ERN1: variants seen among roughly 807,000 people sequenced by gnomAD.
ERN1 encodes serine/threonine-protein kinase/endoribonuclease IRE1.
A neutral mutation model predicts 113.1 loss-of-function variants in ERN1; 39 were observed. The observed-to-expected ratio is 0.34, with a 90% CI of 0.27 to 0.45. The LOEUF (loss-of-function observed/expected upper bound fraction) is 0.45. Among genes scored for constraint, ERN1 ranks in the 20% least tolerant of loss-of-function variants. The probability of loss-of-function intolerance (pLI) is 1.00; values close to 1 mark genes in which losing one functional copy is unlikely to be tolerated. For missense variants in ERN1, 976 were observed against 1,274.8 expected (o/e 0.77, Z 3.57); for synonymous variants, 507 against 515.9 (o/e 0.98, Z 0.23).
chr17:64,100,052 G>C (rs995715181), intron 1 of ERN1, among the ~76,000 whole-genome samples: 2 of 152,226 alleles, frequency 1.3e-5, no homozygotes, highest in African/African-American at 4.8e-5. Context: ...TAAGCCTCAA[G>C]GGTGGTATCT....
At chr17:64,106,622 T>C (rs1409478534) in intron 1 of ERN1, among the ~76,000 whole-genome samples, 1 of 151,904 alleles carries the variant, frequency 6.6e-6, no homozygotes, top group East Asian at 1.9e-4. Flanking sequence ...TATAACCGGC[T>C]GAAAGCCACA....
At chr17:64,119,376 G>GTTGTTTTTTTTTTT (rs777806993) in intron 1 of ERN1, among the ~76,000 whole-genome samples, 16 of 77,908 alleles carry the variant, frequency 2.1e-4, no homozygotes, top group African/African-American at 7.8e-4. Context: ...TTTTTTCTAG[G>GTTGTTTTTTTTTTT]TTTTTTTTTT....
At position 64,123,034 on chromosome 17, in the gene ERN1, T is replaced by C. The variant is rs886596460; in HGVS notation, c.54+6942A>G. On this transcript the variant is annotated intron_variant, in intron 1 of 21. Transcript: ENST00000433197. ...TATTTTTAATTTTTTGTTCCCTTTT[T>C]TTTTCCAGGTAGATAATCCCAGCAA... 1.1e-4 allele frequency among the ~76,000 whole-genome samples: 16 copies of C among 152,194 alleles called. No homozygotes were observed. In the East Asian group the frequency reaches 2.9e-3, roughly 27 times the overall value.
chr17:64,124,422 C>T (rs959040029), intron 1 of ERN1, among the ~76,000 whole-genome samples: 3 of 152,220 alleles, frequency 2.0e-5, no homozygotes, highest in African/African-American at 7.2e-5. Flanking sequence ...GTAGCTCCCA[C>T]TATTCCCATG....
intron 1 of ERN1, among the ~76,000 whole-genome samples, chr17:64,106,715 TACACACACACACACACACACAC>T (rs58544303): frequency 2.9e-5 from 3 of 103,436 alleles, no homozygotes; most frequent in South Asian, 8.0e-4. Context: ...CAGGGTTTCT[TACACACACACACACACACACAC>T]ACACACACAC....
intron 1 of ERN1, among the ~76,000 whole-genome samples, chr17:64,120,283 A>G (rs1052668470): frequency 2.6e-5 from 4 of 152,106 alleles, no homozygotes; most frequent in Non-Finnish European, 5.9e-5. Flanking sequence ...GTCATGGGCC[A>G]TTTGCTTTAA....
intron 17 of ERN1, among the ~76,000 whole-genome samples, chr17:64,050,562 G>A (rs937120527): frequency 1.3e-5 from 2 of 152,148 alleles, no homozygotes; most frequent in Non-Finnish European, 1.5e-5. Context: ...AACCGTAAGG[G>A]ACTGGGTCAT....
intron 1 of ERN1, among the ~76,000 whole-genome samples, chr17:64,118,243 A>G (rs1381703356): frequency 6.6e-6 from 1 of 152,172 alleles, no homozygotes; most frequent in Non-Finnish European, 1.5e-5. Flanking sequence ...GAAATAACTC[A>G]TTTGCCCAAA....
Position 64,054,826 on chromosome 17 carries a change from C to T in ERN1, c.1675G>A (p.Glu559Lys). The T allele has an allele frequency of 6.2e-7, 1 of 1,603,674 alleles. No homozygotes were observed. The highest frequency in any genetic ancestry group is 8.5e-7 in the Non-Finnish European group (1 of 1,174,330). The stretch of plus-strand genomic sequence containing the variant: ...CCAACTATCACCACGCTGGTTTCCT[C>T]ATCTGGGACAAAATAGGAAAAAGAG... ...SPSLEQDDGD[E>K]ETSVVIVGKI... is the part of the protein sequence containing the mutation. Residue 559 changes from glutamate (E) to lysine (K), a missense_variant and splice_region_variant, in exon 14 of 22, where the codon GAG becomes AAG. Physicochemically the swap from Glu to Lys is moderately conservative, Grantham distance 56. Transcript: ENST00000433197. This position sits in a 1 kb window ranked among gnomAD's most constrained non-coding sequence, Gnocchi z 4.9.
chr17:64,063,973 G>A lies in ERN1; in HGVS notation c.1087+13C>T. 1.2e-6 allele frequency: 2 copies of A among 1,613,072 alleles called. No individual in the cohort carries two copies. The highest frequency in any genetic ancestry group is 2.2e-5 in the South Asian group (2 of 90,968). ...GCTGTCACCTCAGGCTACTGTGGGA[G>A]ACCTGCTCTTACCTATCAGAAGCCA... is the stretch of plus-strand genomic sequence containing the variant. On this transcript the variant is annotated intron_variant, in intron 10 of 21. Transcript: ENST00000433197. This position sits in a 1 kb window ranked among gnomAD's most constrained non-coding sequence, Gnocchi z 5.1.
At position 64,042,753 on chromosome 17, in the gene ERN1, TA is replaced by T. The variant is rs137898273; in HGVS notation, c.*1234del. 1.8e-3 allele frequency: 271 copies of T among 152,356 alleles called. 2 individuals are homozygous for T. Among genetic ancestry groups the T allele is most frequent in the African/African-American group, 6.3e-3 (261 of 41,568 alleles). 9.4% of individuals were successfully genotyped at this position (152,356 alleles called of 1,614,324 possible). A position where few individuals can be genotyped will look rare whatever the true frequency, so the allele number is the denominator to read the frequency against. On this transcript the variant is annotated 3_prime_UTR_variant, in exon 22 of 22. Transcript: ENST00000433197. ...GTTCAATACATTTACATAGTGTTGC[TA>T]TAATGTTTTACTCTTCAGCATTAGA...
At chr17:64,070,121 A>G (rs1332804699) in intron 6 of ERN1, among the ~76,000 whole-genome samples, 1 of 152,058 alleles carries the variant, frequency 6.6e-6, no homozygotes, top group Non-Finnish European at 1.5e-5. Flanking sequence ...GCACTGTAAC[A>G]CCCATTTTTA....
At chr17:64,057,383 TCTTGCTCTGTCGC>T (rs71155997) in intron 12 of ERN1, among the ~76,000 whole-genome samples, 145,244 of 151,346 alleles carry the variant, frequency 0.96, 69,995 homozygotes, top group East Asian at 1. Context: ...TGAGATGGAG[TCTTGCTCTGTCGC>T]CTTGCTCTGT....
rs757126086 is a variant in ERN1, at chr17:64,045,388, C to T, written c.2624G>A (p.Arg875Gln). The T allele has an allele frequency of 1.1e-5, 17 of 1,613,850 alleles. No homozygotes were observed. The highest frequency in any genetic ancestry group is 3.3e-5 in the Admixed American group (2 of 60,014). The stretch of plus-strand genomic sequence containing the variant: ...CTGGAGGGGGACAGTGATGTTCTCC[C>T]GCCAGTCCATCTTCACCACGGCTCT... ...GGRAVVKMDW[R>Q]ENITVPLQTD... is the part of the protein sequence containing the mutation. The change falls in exon 20 of 22, where the codon CGG (arginine) becomes CAG (glutamine). Residue 875 changes from arginine to glutamine, a missense_variant. Around this residue, in one of 5 missense-constraint regions of ERN1, gnomAD observed 297 missense variants for 457.8 expected, o/e 0.65. Coordinates refer to ENST00000433197, the MANE Select transcript of ERN1 (RefSeq NM_001433.5).
rs1411853039 is a variant in ERN1, at chr17:64,098,307, A to AT, written c.55-67_55-66insA. Reference sequence around the variant, plus strand: ...CTTCACCTTGGGCATGTACAATCACAGACCCCCCACTCCCAAGGTTATCCT... The same window carrying AT: ...CTTCACCTTGGGCATGTACAATCACATGACCCCCCACTCCCAAGGTTATCCT... On this transcript the variant is annotated intron_variant, in intron 1 of 21. Coordinates refer to ENST00000433197, the MANE Select transcript of ERN1 (RefSeq NM_001433.5). The AT allele has an allele frequency of 3.8e-6, 6 of 1,584,050 alleles. No homozygotes were observed. In the Admixed American group the frequency reaches 1.0e-4, roughly 26 times the overall value.
chr17:64,057,595 C>T (rs575002114), intron 12 of ERN1, among the ~76,000 whole-genome samples: 38 of 152,282 alleles, frequency 2.5e-4, no homozygotes, highest in African/African-American at 8.9e-4. Context: ...GTCTTGATCT[C>T]CTGACCTTGT....
chr17:64,116,223 T>C (rs1432704985), intron 1 of ERN1, among the ~76,000 whole-genome samples: 1 of 152,156 alleles, frequency 6.6e-6, no homozygotes, highest in Non-Finnish European at 1.5e-5. Flanking sequence ...GAAAGGGTGA[T>C]ACCTTTTCTT....
chr17:64,117,995 T>C (rs1337946060), intron 1 of ERN1, among the ~76,000 whole-genome samples: 3 of 152,148 alleles, frequency 2.0e-5, no homozygotes, highest in Non-Finnish European at 4.4e-5. Flanking sequence ...GATAAATAAA[T>C]GGATGAACAG....
chr17:64,072,266 T>A (rs1290834930), intron 5 of ERN1, among the ~76,000 whole-genome samples, 163 bp from the exon 6 acceptor site: 1 of 152,230 alleles, frequency 6.6e-6, no homozygotes, highest in African/African-American at 2.4e-5. Context: ...ATAATAAAAC[T>A]TCTTAGGTCC....
Sources: gnomAD v4.1 joint callset for allele counts (sites outside exome capture counted in the v4.1 genomes callset) on GRCh38, gnomAD v4.1.1 for gene constraint, gnomAD v4.1.1 regional missense constraint, Gnocchi (gnomAD v3.1) non-coding constraint, MANE v1.5 for transcripts, NCBI Gene and HGNC (gene_info 2026-07-23, HGNC 2026-07-21) for gene names.